Variants in GABBR2 observed in about 807,000 individuals in gnomAD.
The protein encoded by GABBR2 is G-protein coupled receptor 51.
Under a neutral mutation model 105.6 loss-of-function variants are expected in GABBR2, and 23 were observed. The ratio of observed to expected loss-of-function variants is 0.22; its 90% CI spans 0.16 to 0.31. The LOEUF (loss-of-function observed/expected upper bound fraction) is 0.31, where lower values mean the gene tolerates loss of function less well. GABBR2 is among the 10% of genes least tolerant of loss of function. The pLI is 1.00. For synonymous variants in GABBR2, 478 were observed against 499.7 expected, an observed-to-expected ratio of 0.96 and a Z score of 0.58; for missense variants, 734 against 1,245.5, an observed-to-expected ratio of 0.59 and a Z score of 6.18.
chr9:98,440,778 T>G (rs986104425), intron 7 of GABBR2, among the ~76,000 whole-genome samples: 1 of 152,224 alleles, frequency 6.6e-6, no homozygotes, highest in Non-Finnish European at 1.5e-5. Flanking sequence ...AACCTCTGCA[T>G]GAGCACACAC....
At chr9:98,462,133 C>T (rs930469537) in intron 6 of GABBR2, among the ~76,000 whole-genome samples, 13 of 152,176 alleles carry the variant, frequency 8.5e-5, no homozygotes, top group Admixed American at 8.5e-4. Context: ...CTGCTTCTGC[C>T]TAGTCTCTCT....
At chr9:98,362,127 A>G (rs528616980) in intron 13 of GABBR2, among the ~76,000 whole-genome samples, 2 of 152,388 alleles carry the variant, frequency 1.3e-5, no homozygotes, top group South Asian at 4.1e-4. Flanking sequence ...ATGAAAGTCA[A>G]CAAAACTACA....
At chr9:98,492,349 T>TTAAAAAAAAAAAAAAAA (rs752135873) in intron 4 of GABBR2, among the ~76,000 whole-genome samples, 5 of 29,218 alleles carry the variant, frequency 1.7e-4, no homozygotes, top group Non-Finnish European at 4.3e-4. Flanking sequence ...TGTTTCCTAG[T>TTAAAAAAAAAAAAAAAA]AAAAAAAAAA....
At chr9:98,486,979 C>T (rs987953333) in intron 4 of GABBR2, among the ~76,000 whole-genome samples, 1 of 152,148 alleles carries the variant, frequency 6.6e-6, no homozygotes, top group African/African-American at 2.4e-5. Context: ...ATGCTTCACT[C>T]TGTCCGTAAA....
At chr9:98,421,355 A>G (rs1832780111) in intron 7 of GABBR2, among the ~76,000 whole-genome samples, 2 of 151,338 alleles carry the variant, frequency 1.3e-5, no homozygotes, top group South Asian at 4.1e-4. Context: ...GACGAGGAAC[A>G]GGAAACAATG....
intron 1 of GABBR2, among the ~76,000 whole-genome samples, chr9:98,678,819 A>G (rs1830506149): frequency 6.6e-6 from 1 of 152,064 alleles, no homozygotes; most frequent in Non-Finnish European, 1.5e-5. Flanking sequence ...ATAATTTCCT[A>G]TGGTTGTTTC....
intron 3 of GABBR2, among the ~76,000 whole-genome samples, chr9:98,528,444 G>GA (rs905849935): frequency 6.6e-6 from 1 of 151,810 alleles, no homozygotes; most frequent in African/African-American, 2.4e-5. Flanking sequence ...ATGGAAAGGT[G>GA]AAAAAAATGG....
rs575534234 is a variant in GABBR2, at chr9:98,489,558, A to G, written c.732+6855T>C. Among the ~76,000 whole-genome samples the G allele has an allele frequency of 6.0e-4, 92 of 152,298 alleles. 1 individual carries two copies. Among genetic ancestry groups the G allele is most frequent in the African/African-American group, 2.1e-3 (89 of 41,564 alleles). On this transcript the variant is annotated intron_variant, in intron 4 of 18. Transcript: ENST00000259455. ...TATTCATTAAAAGATAGAGAGTTCC[A>G]TGGCTTCTTTCCCTGAAATTCTCTA... is the stretch of plus-strand genomic sequence containing the variant.
intron 1 of GABBR2, among the ~76,000 whole-genome samples, chr9:98,660,459 A>C (rs1428850181): frequency 3.3e-5 from 5 of 152,228 alleles, no homozygotes; most frequent in Non-Finnish European, 7.3e-5. Flanking sequence ...GATAGCTAGC[A>C]CACATATTTG....
chr9:98,374,890 T>C lies in GABBR2; in HGVS notation c.1663-3319A>G, dbSNP rs78538331. 1.9e-3 allele frequency among the ~76,000 whole-genome samples: 293 copies of C among 152,264 alleles called. 1 individual carries two copies. The highest frequency in any genetic ancestry group is 6.8e-3 in the African/African-American group (282 of 41,560). ...GAGCCCTGAGAGTCCTAGTGAATCA[T>C]TGAACTTGGGGGTTGTCTTGGAGAC... On this transcript the variant is annotated intron_variant, in intron 11 of 18. Transcript: ENST00000259455.
chr9:98,397,115 C>T (rs1381267446), intron 8 of GABBR2, among the ~76,000 whole-genome samples: 1 of 152,204 alleles, frequency 6.6e-6, no homozygotes, highest in East Asian at 1.9e-4. Context: ...CATACTTTTA[C>T]CCCCATACTG....
At chr9:98,409,659 C>G (rs1391552501) in intron 7 of GABBR2, among the ~76,000 whole-genome samples, 1 of 152,138 alleles carries the variant, frequency 6.6e-6, no homozygotes, top group Non-Finnish European at 1.5e-5. Context: ...ATGCCCCCTC[C>G]CTGGGGGCAA....
intron 1 of GABBR2, among the ~76,000 whole-genome samples, chr9:98,584,636 A>C (rs1829044551): frequency 6.6e-6 from 1 of 152,244 alleles, no homozygotes; most frequent in South Asian, 2.1e-4. Flanking sequence ...TTTTTAAAGA[A>C]TTAAAATACT....
chr9:98,339,142 G>A (rs1436190416), intron 13 of GABBR2, among the ~76,000 whole-genome samples: 1 of 152,054 alleles, frequency 6.6e-6, no homozygotes, highest in Non-Finnish European at 1.5e-5. Context: ...AAGGGGTGAT[G>A]GATAAAAGAA....
intron 8 of GABBR2, among the ~76,000 whole-genome samples, chr9:98,403,752 A>AT (rs977800179): frequency 1.4e-5 from 2 of 143,922 alleles, no homozygotes; most frequent in African/African-American, 5.2e-5. Flanking sequence ...CTGAGAAAAA[A>AT]AAAAATATAT....
intron 1 of GABBR2, among the ~76,000 whole-genome samples, chr9:98,590,187 T>C (rs965594852): frequency 6.6e-6 from 1 of 152,242 alleles, no homozygotes; most frequent in African/African-American, 2.4e-5. Flanking sequence ...GTCATATCCA[T>C]AGCTCTGTCC....
chr9:98,641,725 T>A (rs1209429205), intron 1 of GABBR2, among the ~76,000 whole-genome samples: 1 of 152,216 alleles, frequency 6.6e-6, no homozygotes, highest in South Asian at 2.1e-4. Flanking sequence ...CATGTTTCTA[T>A]GTTGGTTTCT....
intron 6 of GABBR2, among the ~76,000 whole-genome samples, chr9:98,463,788 G>A (rs894215124): frequency 1.6e-4 from 25 of 152,034 alleles, no homozygotes; most frequent in African/African-American, 5.6e-4. Flanking sequence ...GGCACTCGCC[G>A]CCACTCCTGA....
At chr9:98,354,568 A>G (rs1190265524) in intron 13 of GABBR2, among the ~76,000 whole-genome samples, 2 of 152,204 alleles carry the variant, frequency 1.3e-5, no homozygotes, top group Non-Finnish European at 2.9e-5. Context: ...TTCATCTTGC[A>G]CTTTTATGTT....
Sources: allele counts gnomAD v4.1 joint callset (sites outside exome capture counted in the v4.1 genomes callset), GRCh38; gene constraint gnomAD v4.1.1; transcripts MANE v1.5; gene names NCBI Gene and HGNC (gene_info 2026-07-23, HGNC 2026-07-21).